The following NDUFAF5 variants were observed in gnomAD, a reference collection of about 807,000 sequenced individuals.
The protein encoded by NDUFAF5 is NADH:ubiquinone oxidoreductase complex assembly factor 5.
NDUFAF5 carries 34 observed loss-of-function variants against 48.9 expected under a neutral mutation model. That is an observed-to-expected ratio of 0.70 (90% CI 0.53 to 0.93). The LOEUF (loss-of-function observed/expected upper bound fraction) is 0.93. Ranked by LOEUF, NDUFAF5 falls within the 40% of genes least tolerant of loss-of-function variation. NDUFAF5 has a pLI of 0.00. For synonymous variants in NDUFAF5, 153 were observed against 150.6 expected (o/e 1.02, Z -0.12); for missense variants, 428 against 427.5 (o/e 1.00, Z -0.01).
At chr20:13,801,041 A>G (rs890423449) in intron 6 of NDUFAF5, among the ~76,000 whole-genome samples, 2 of 152,156 alleles carry the variant, frequency 1.3e-5, no homozygotes, top group Admixed American at 6.5e-5. Context: ...GGCCAAAGCG[A>G]GTCACAAGGC....
At chr20:13,792,554 C>T (rs1170960288) in intron 3 of NDUFAF5, among the ~76,000 whole-genome samples, 2 of 152,040 alleles carry the variant, frequency 1.3e-5, no homozygotes, top group African/African-American at 2.4e-5. Flanking sequence ...CAGAAGGTAC[C>T]TAGAGGGAGG....
At chr20:13,786,035 A>C (rs1981039121) in intron 1 of NDUFAF5, among the ~76,000 whole-genome samples, 1 of 152,182 alleles carries the variant, frequency 6.6e-6, no homozygotes, top group African/African-American at 2.4e-5. Context: ...AGATCAAATT[A>C]AGATTTCTGA....
At chr20:13,816,011 G>A (rs2064644) in intron 8 of NDUFAF5, 203,199 of 210,218 alleles carry the variant, frequency 0.97, 98,351 homozygotes, top group South Asian at 0.99. Flanking sequence ...TTTCAAAGCC[G>A]TCTTCCAAGT....
At chr20:13,814,784 A>T (rs1040653802) in intron 8 of NDUFAF5, among the ~76,000 whole-genome samples, 2 of 152,132 alleles carry the variant, frequency 1.3e-5, no homozygotes, top group African/African-American at 4.8e-5. Context: ...GCAAAACTGG[A>T]ATTCGATAGA....
chr20:13,806,218 T>C (rs1355271617), intron 7 of NDUFAF5, among the ~76,000 whole-genome samples: 1 of 152,118 alleles, frequency 6.6e-6, no homozygotes, highest in Non-Finnish European at 1.5e-5. Context: ...TTTAAGAGAA[T>C]GGTGCAAGGC....
At chr20:13,816,649 C>T (rs1187662952) in intron 9 of NDUFAF5, 103 bp downstream of exon 9, 41 of 941,942 alleles carry the variant, frequency 4.4e-5, no homozygotes, top group Non-Finnish European at 6.4e-5. Context: ...TGTTAAGGCT[C>T]CCTCAGACTT....
At chr20:13,794,142 A>G (rs933348090) in intron 4 of NDUFAF5, among the ~76,000 whole-genome samples, 2 of 152,164 alleles carry the variant, frequency 1.3e-5, no homozygotes, top group African/African-American at 4.8e-5. Context: ...TTTATCATCA[A>G]ATATATCAGT....
At chr20:13,808,427 T>C (rs570053761) in intron 7 of NDUFAF5, among the ~76,000 whole-genome samples, 4 of 152,280 alleles carry the variant, frequency 2.6e-5, no homozygotes, top group Admixed American at 2.6e-4. Context: ...GAATGAAATA[T>C]TTTGATTCTA....
At position 13,818,507 on chromosome 20, in the gene NDUFAF5, T is replaced by C; in HGVS notation, c.*1297T>C. On this transcript the variant is annotated 3_prime_UTR_variant, in exon 11 of 11. Coordinates refer to ENST00000378106, the MANE Select transcript of NDUFAF5 (RefSeq NM_024120.5). ...GAGAGAACAACAACAAAAAACAAACTGCGCTAGCCAGGTGCAATGGCGCAT... is the reference window on the plus strand; with the variant it reads ...GAGAGAACAACAACAAAAAACAAACCGCGCTAGCCAGGTGCAATGGCGCAT... 5.9e-6 allele frequency: 2 copies of C among 337,042 alleles called. No homozygotes were observed. Among genetic ancestry groups the C allele is most frequent in the Non-Finnish European group, 5.7e-6 (1 of 175,696 alleles). The allele number at this position is 337,042 out of a possible 1,614,324, so 20.9% of individuals were successfully genotyped here. A position where few individuals can be genotyped will look rare whatever the true frequency, so the allele number is the denominator to read the frequency against.
chr20:13,816,253 G>C (rs956928219), intron 8 of NDUFAF5: 1 of 613,268 alleles, frequency 1.6e-6, no homozygotes, highest in Non-Finnish European at 3.0e-6. Flanking sequence ...TCACTTGCCT[G>C]TCTTAATGTT....
intron 6 of NDUFAF5, among the ~76,000 whole-genome samples, chr20:13,801,127 CATAG>C (rs1984051382): frequency 1.3e-5 from 2 of 152,144 alleles, no homozygotes; most frequent in Non-Finnish European, 2.9e-5. Context: ...TTTCAGAGGC[CATAG>C]ATGCAGGGAG....
intron 8 of NDUFAF5, among the ~76,000 whole-genome samples, chr20:13,810,161 A>C (rs1985663650): frequency 6.6e-6 from 1 of 152,178 alleles, no homozygotes; most frequent in Non-Finnish European, 1.5e-5. Context: ...TGCCTAGGAT[A>C]AGAACATGGA....
intron 7 of NDUFAF5, among the ~76,000 whole-genome samples, chr20:13,807,281 CAT>C (rs1172444106): frequency 2.6e-5 from 4 of 151,960 alleles, no homozygotes; most frequent in African/African-American, 9.7e-5. Context: ...CTCCTGACCT[CAT>C]GATCTGCCTG....
intron 5 of NDUFAF5, among the ~76,000 whole-genome samples, chr20:13,796,771 G>A (rs1300688446): frequency 4.6e-5 from 7 of 152,194 alleles, no homozygotes; most frequent in Non-Finnish European, 8.8e-5. Context: ...TTGAGGCCAG[G>A]AGTTCAAGAC....
rs746174480 is a variant in NDUFAF5 at position 13,816,504 on chromosome 20, C to G, written c.820C>G (p.Leu274Val). 3.1e-6 allele frequency: 5 copies of G among 1,614,118 alleles called. No individual in the cohort carries two copies. Among genetic ancestry groups the G allele is most frequent in the Non-Finnish European group, 4.2e-6 (5 of 1,179,978 alleles). ...SNCAWNRKALLHRDTMLAAAA... is the reference protein window; with the variant it reads ...SNCAWNRKALVHRDTMLAAAA... ...CTGTGCTTGGAATAGAAAAGCCCTG[C>G]TGCATCGAGACACAATGCTGGCAGC... The change falls in exon 9 of 11, where the codon CTG becomes GTG. Residue 274 changes from leucine (L) to valine (V), a missense_variant. Leu to Val is a conservative substitution (Grantham distance 32, BLOSUM62 1). Transcript: ENST00000378106.
chr20:13,796,697 G>A (rs1247296700), intron 5 of NDUFAF5, among the ~76,000 whole-genome samples: 3 of 152,176 alleles, frequency 2.0e-5, no homozygotes, highest in Non-Finnish European at 4.4e-5. Flanking sequence ...AAAATTCAAG[G>A]CCCGGGCACG....
In NDUFAF5 at chr20:13,821,230, C is replaced by G. The variant is rs1270467849; in HGVS notation, c.*4020C>G. 2 of 152,194 alleles carry G rather than the reference C, an allele frequency of 1.3e-5. No homozygotes were observed. The highest frequency in any genetic ancestry group is 6.5e-5 in the Admixed American group (1 of 15,276). 9.4% of individuals were successfully genotyped at this position (152,194 alleles called of 1,614,324 possible). A position where few individuals can be genotyped will look rare whatever the true frequency, so the allele number is the denominator to read the frequency against. On this transcript the variant is annotated 3_prime_UTR_variant, in exon 11 of 11. Transcript: ENST00000378106. ...TAAGTACAGGCTGAGTTTAGTGATT[C>G]CCTTCCAACAAATAGATGGTGTGTC...
At position 13,788,594 on chromosome 20, in the gene NDUFAF5, T is replaced by A; in HGVS notation, c.269T>A (p.Phe90Tyr). ...ADRVYDIPRN[F>Y]PLALDLGCGR... ...CTCTGTGTCTTTTTTTTTAGAAATT[T>A]CCCCCTTGCTTTGGATCTTGGTTGT... Residue 90 changes from phenylalanine to tyrosine, a missense_variant, in exon 3 of 11, where the codon TTC (phenylalanine) becomes TAC (tyrosine). By Grantham distance (22) the Phe-to-Tyr change is conservative (BLOSUM62 3). Coordinates refer to ENST00000378106, the MANE Select transcript of NDUFAF5 (RefSeq NM_024120.5). 2 of 1,610,822 alleles carry A rather than the reference T, an allele frequency of 1.2e-6. No homozygotes were observed. The highest frequency in any genetic ancestry group is 1.7e-6 in the Non-Finnish European group (2 of 1,177,080).
chr20:13,812,215 T>C lies in NDUFAF5; in HGVS notation c.778+3313T>C, dbSNP rs115545836. On this transcript the variant is annotated intron_variant, in intron 8 of 10. Coordinates refer to ENST00000378106, the MANE Select transcript of NDUFAF5 (RefSeq NM_024120.5). The stretch of plus-strand genomic sequence containing the variant: ...TGCAGCCTCCTCTGAGTGTGGAGCT[T>C]CTGTCACTCTGCAAACGGAAAGATG... 1.5e-3 allele frequency among the ~76,000 whole-genome samples: 224 copies of C among 152,330 alleles called. 1 individual carries two copies. The highest frequency in any genetic ancestry group is 5.1e-3 in the African/African-American group (210 of 41,578).
Sources: allele counts gnomAD v4.1 joint callset (sites outside exome capture counted in the v4.1 genomes callset), GRCh38; gene constraint gnomAD v4.1.1; transcripts MANE v1.5; gene names NCBI Gene and HGNC (gene_info 2026-07-23, HGNC 2026-07-21).